Variants in ABCG2 observed in about 807,000 individuals in gnomAD.
ABCG2 encodes broad substrate specificity ATP-binding cassette transporter ABCG2.
ABCG2 carries 80 observed loss-of-function variants against 73.5 expected under a neutral mutation model. The ratio of observed to expected loss-of-function variants is 1.09; its 90% CI spans 0.91 to 1.31. The LOEUF is 1.31. Among genes scored for constraint, ABCG2 ranks in the 50% most tolerant of loss-of-function variants. The pLI is 0.00. For synonymous variants in ABCG2, 269 were observed against 282.4 expected (o/e 0.95, Z 0.48); for missense variants, 796 against 786.2 (o/e 1.01, Z -0.15).
At chr4:88,199,971 A>G (rs764636168) in intron 1 of ABCG2, among the ~76,000 whole-genome samples, 3 of 152,188 alleles carry the variant, frequency 2.0e-5, no homozygotes, top group African/African-American at 4.8e-5. Context: ...ACTGCACTCC[A>G]GCCTGGGCGA....
At chr4:88,193,476 C>A (rs538235002) in intron 1 of ABCG2, among the ~76,000 whole-genome samples, 5 of 152,188 alleles carry the variant, frequency 3.3e-5, no homozygotes, top group South Asian at 2.1e-4. Context: ...ATAATTTTAG[C>A]ACCTAAAGTA....
Position 88,131,064 on chromosome 4 carries a change from G to A in ABCG2, c.528C>T (p.Ser176=). The A allele has an allele frequency of 6.2e-7, 1 of 1,613,868 alleles. No individual in the cohort carries two copies. Among genetic ancestry groups the A allele is most frequent in the South Asian group, 1.1e-5 (1 of 91,054 alleles). The part of the protein sequence containing the change: ...QELGLDKVAD[S]KVGTQFIRGV... ...GCTTTCAGTTTTTCCACATTACCTT[G>A]GAGTCTGCCACTTTATCCAGACCTA... The change falls in exon 5 of 16, where the codon TCC becomes TCT. Residue 176 remains serine, a synonymous_variant. Transcript: ENST00000237612.
chr4:88,135,838 A>G (rs1560701594), intron 2 of ABCG2, among the ~76,000 whole-genome samples: 1 of 152,190 alleles, frequency 6.6e-6, no homozygotes, highest in Non-Finnish European at 1.5e-5. Context: ...AGATAGCTGG[A>G]GGGTGGGGAG....
upstream of ABCG2, among the ~76,000 whole-genome samples, chr4:88,161,012 C>T (rs1727276508): frequency 1.4e-5 from 2 of 147,738 alleles, no homozygotes; most frequent in South Asian, 4.3e-4. Flanking sequence ...CCTATCTCTA[C>T]AAAAAAAAAA....
chr4:88,209,064 G>A (rs571631905), intron 1 of ABCG2, among the ~76,000 whole-genome samples: 67 of 151,740 alleles, frequency 4.4e-4, no homozygotes, highest in African/African-American at 1.5e-3. Context: ...TATAATCTCA[G>A]CACCTTGGGA....
Position 88,125,607 on chromosome 4 carries a change from C to CAAAAAAAAAAAAAAAAA in ABCG2, c.532-3832_532-3816dup, listed in dbSNP as rs70957302. 2.6e-4 allele frequency among the ~76,000 whole-genome samples: 9 copies of CAAAAAAAAAAAAAAAAA among 34,978 alleles called. 1 individual carries two copies. Among genetic ancestry groups the CAAAAAAAAAAAAAAAAA allele is most frequent in the East Asian group, 1.1e-3 (1 of 896 alleles). 22.9% of individuals were successfully genotyped at this position (34,978 alleles called of 152,430 possible). A position where few individuals can be genotyped will look rare whatever the true frequency, so the allele number is the denominator to read the frequency against. The stretch of plus-strand genomic sequence containing the variant: ...TGGGCAACAGAGCAAGACTCTGTCT[C>CAAAAAAAAAAAAAAAAA]AAAAAAAAAAAAAAAAAAAAAAAAA... On this transcript the variant is annotated intron_variant, in intron 5 of 15. Transcript: ENST00000237612.
intron 1 of ABCG2, among the ~76,000 whole-genome samples, chr4:88,191,470 T>C (rs1350997805): frequency 6.6e-6 from 1 of 152,036 alleles, no homozygotes; most frequent in East Asian, 1.9e-4. Context: ...GTTGGCGAGA[T>C]GATGTGGAGA....
chr4:88,216,415 C>T (rs892925803), intron 1 of ABCG2, among the ~76,000 whole-genome samples: 1 of 152,182 alleles, frequency 6.6e-6, no homozygotes, highest in Non-Finnish European at 1.5e-5. Context: ...TCAAGATGAT[C>T]TATTTTGTGA....
rs553054300 is a variant in ABCG2, at chr4:88,097,387, G to C, written c.1647+66C>G. 31 of 1,569,790 alleles carry C rather than the reference G, an allele frequency of 2.0e-5. No individual in the cohort carries two copies. In the South Asian group the frequency reaches 3.6e-4, roughly 18 times the overall value. On this transcript the variant is annotated intron_variant, in intron 13 of 15. Transcript: ENST00000237612. ...TCAAAACAGGTTTTACATGACAAGT[G>C]AATGTGCAGGAAGAAATGAAGGAAA...
chr4:88,142,449 G>A (rs1373314004), intron 1 of ABCG2, among the ~76,000 whole-genome samples: 1 of 152,136 alleles, frequency 6.6e-6, no homozygotes. Context: ...TTCATTTGGA[G>A]TCTGGAAAAG....
chr4:88,190,868 G>C (rs962629161), intron 1 of ABCG2, among the ~76,000 whole-genome samples: 1 of 151,952 alleles, frequency 6.6e-6, no homozygotes, highest in African/African-American at 2.4e-5. Flanking sequence ...GTTCAGGATA[G>C]AGGACCAATT....
intron 1 of ABCG2, among the ~76,000 whole-genome samples, chr4:88,174,245 C>T (rs1727868197): frequency 6.6e-6 from 1 of 151,548 alleles, no homozygotes; most frequent in Non-Finnish European, 1.5e-5. Flanking sequence ...TGGTGGTTTG[C>T]GGTTCCTATC....
At chr4:88,119,739 G>A (rs1723832645) in intron 6 of ABCG2, among the ~76,000 whole-genome samples, 1 of 152,178 alleles carries the variant, frequency 6.6e-6, no homozygotes, top group Non-Finnish European at 1.5e-5. Context: ...CATTCAAGAG[G>A]TGACTCGGGT....
Position 88,121,589 on chromosome 4 carries a change from T to C in ABCG2, c.689+46A>G, listed in dbSNP as rs759949307. 146 of 1,566,852 alleles carry C rather than the reference T, an allele frequency of 9.3e-5. 1 individual carries two copies. Among genetic ancestry groups the C allele is most frequent in the Admixed American group, 7.8e-4 (45 of 57,394 alleles). Reference sequence around the variant, plus strand: ...TGCCCCAAGAATATCTGGGACATAGTAGTGATAAGATATTAACTAAAGAAT... The same window carrying C: ...TGCCCCAAGAATATCTGGGACATAGCAGTGATAAGATATTAACTAAAGAAT... On this transcript the variant is annotated intron_variant, in intron 6 of 15. Coordinates refer to ENST00000237612, the MANE Select transcript of ABCG2 (RefSeq NM_004827.3).
intron 10 of ABCG2, among the ~76,000 whole-genome samples, chr4:88,105,892 T>C (rs1177780662): frequency 4.6e-5 from 7 of 152,110 alleles, no homozygotes; most frequent in Non-Finnish European, 1.5e-5. Flanking sequence ...AGGACTTGAA[T>C]AGACATTTCT....
chr4:88,223,918 G>T (rs912326750), intron 1 of ABCG2: 1 of 151,046 alleles, frequency 6.6e-6, no homozygotes, highest in Admixed American at 6.6e-5. Flanking sequence ...GGGGTAAAGT[G>T]GTATCTCATT....
intron 8 of ABCG2, among the ~76,000 whole-genome samples, chr4:88,114,310 T>C (rs1723372383): frequency 6.6e-6 from 1 of 152,166 alleles, no homozygotes; most frequent in South Asian, 2.1e-4. Flanking sequence ...CTTCTTACCA[T>C]ATAGTTCTAA....
At chr4:88,094,944 T>C (rs1241611817) in intron 14 of ABCG2, among the ~76,000 whole-genome samples, 1 of 152,214 alleles carries the variant, frequency 6.6e-6, no homozygotes, top group African/African-American at 2.4e-5. Flanking sequence ...CTCCCCAATT[T>C]TGTAACTCCA....
chr4:88,131,959 G>C, intron 3 of ABCG2, 42 bp from the exon 4 acceptor site: 1 of 1,449,232 alleles, frequency 6.9e-7, no homozygotes, highest in South Asian at 1.2e-5. Context: ...TAACCTATAA[G>C]AGAATATATA....
Sources: allele counts gnomAD v4.1 joint callset (sites outside exome capture counted in the v4.1 genomes callset), GRCh38; gene constraint gnomAD v4.1.1; transcripts MANE v1.5; gene names NCBI Gene and HGNC (gene_info 2026-07-23, HGNC 2026-07-21).